Variants in HSD17B12 observed in about 807,000 individuals in gnomAD.
HSD17B12 encodes the protein very-long-chain 3-oxoacyl-CoA reductase.
In HSD17B12, 32 loss-of-function variants were observed where a neutral mutation model predicts 39.3. That is an observed-to-expected ratio of 0.81 (90% CI 0.61 to 1.09). The LOEUF (loss-of-function observed/expected upper bound fraction) is 1.09. HSD17B12 is among the 50% of genes least tolerant of loss of function. HSD17B12 has a pLI of 0.00. For synonymous variants in HSD17B12, 150 were observed against 146.7 expected (o/e 1.02, Z -0.16); for missense variants, 342 against 382.9 (o/e 0.89, Z 0.89).
At chr11:43,757,635 G>A (rs1372965569) in intron 3 of HSD17B12, among the ~76,000 whole-genome samples, 91 of 24,324 alleles carry the variant, frequency 3.7e-3, no homozygotes, top group African/African-American at 0.02. Flanking sequence ...GCGAGACTCC[G>A]TCTCAAAAAA....
the HSD17B12 span, among the ~76,000 whole-genome samples, chr11:43,567,052 T>C: frequency 6.6e-6 from 1 of 152,244 alleles, no homozygotes; most frequent in Non-Finnish European, 1.5e-5. Context: ...TAAAGGCTCC[T>C]GAGAGCAGGC....
intron 1 of HSD17B12, among the ~76,000 whole-genome samples, chr11:43,698,403 G>A (rs987596213): frequency 6.6e-6 from 1 of 152,200 alleles, no homozygotes; most frequent in Non-Finnish European, 1.5e-5. Context: ...CTACAGAAAA[G>A]TGTGGTGCCT....
At chr11:43,836,547 C>G (rs1951372480) in intron 7 of HSD17B12, among the ~76,000 whole-genome samples, 1 of 152,066 alleles carries the variant, frequency 6.6e-6, no homozygotes, top group African/African-American at 2.4e-5. Flanking sequence ...ACTGAACAAT[C>G]TACCCATTAA....
At chr11:43,640,475 A>G in the HSD17B12 span, among the ~76,000 whole-genome samples, 3 of 152,108 alleles carry the variant, frequency 2.0e-5, no homozygotes, top group Non-Finnish European at 4.4e-5. Context: ...ATCTTAGAGT[A>G]TGTAGGGTTT....
At chr11:43,630,275 C>T in the HSD17B12 span, among the ~76,000 whole-genome samples, 2 of 152,082 alleles carry the variant, frequency 1.3e-5, no homozygotes, top group Non-Finnish European at 1.5e-5. Context: ...TTCTCTGGAT[C>T]CCTGTCAATT....
chr11:43,809,331 T>C (rs972094693), intron 4 of HSD17B12, among the ~76,000 whole-genome samples: 1 of 152,200 alleles, frequency 6.6e-6, no homozygotes, highest in African/African-American at 2.4e-5. Flanking sequence ...CACTAGTTTC[T>C]TGTTAGGAGC....
chr11:43,777,573 G>C (rs542522963), intron 3 of HSD17B12, among the ~76,000 whole-genome samples: 3,727 of 152,134 alleles, frequency 0.024, 65 homozygotes, highest in Non-Finnish European at 0.039. Flanking sequence ...TTGACTTCCT[G>C]TTCTCCTAAT....
intron 7 of HSD17B12, among the ~76,000 whole-genome samples, chr11:43,836,974 A>T (rs1395419650): frequency 2.0e-5 from 3 of 152,178 alleles, no homozygotes; most frequent in Non-Finnish European, 4.4e-5. Context: ...TAAATTTGAA[A>T]TGTAATTTTT....
chr11:43,817,030 ATATCTATATC>A (rs1164886113), intron 6 of HSD17B12, among the ~76,000 whole-genome samples: 198 of 22,228 alleles, frequency 8.9e-3, no homozygotes, highest in Non-Finnish European at 0.011. Flanking sequence ...ATCTATATCT[ATATCTATATC>A]TATATATATA....
chr11:43,779,423 T>C (rs746769812), intron 3 of HSD17B12, among the ~76,000 whole-genome samples: 1 of 152,216 alleles, frequency 6.6e-6, no homozygotes, highest in Non-Finnish European at 1.5e-5. Flanking sequence ...CTTACAACAT[T>C]GGTTTTATGC....
intron 4 of HSD17B12, among the ~76,000 whole-genome samples, chr11:43,801,054 G>A (rs754836652): frequency 6.6e-6 from 1 of 151,876 alleles, no homozygotes; most frequent in African/African-American, 2.4e-5. Flanking sequence ...CAGGAGAATC[G>A]CTTGAACCTG....
chr11:43,578,228 T>A, the HSD17B12 span, among the ~76,000 whole-genome samples: 18 of 152,144 alleles, frequency 1.2e-4, no homozygotes, highest in Non-Finnish European at 2.1e-4. Context: ...CTCGGGACGG[T>A]GAGGTAAGTA....
chr11:43,742,112 AATAT>A (rs1168038073), intron 1 of HSD17B12, among the ~76,000 whole-genome samples: 35 of 93,140 alleles, frequency 3.8e-4, no homozygotes, highest in African/African-American at 1.3e-3. Flanking sequence ...AGGCAAAGGA[AATAT>A]ATATATATAT....
the HSD17B12 span, among the ~76,000 whole-genome samples, chr11:43,636,077 A>G: frequency 6.6e-6 from 1 of 152,350 alleles, no homozygotes; most frequent in East Asian, 1.9e-4. Context: ...TATAAGTATT[A>G]CCCATATAAC....
At chr11:43,814,106 A>G (rs1301070191) in intron 4 of HSD17B12, among the ~76,000 whole-genome samples, 2 of 152,058 alleles carry the variant, frequency 1.3e-5, no homozygotes, top group Admixed American at 6.6e-5. Context: ...TTTTTTAAAT[A>G]CTTCATAATT....
chr11:43,783,179 A>AAGG (rs1220439784), intron 3 of HSD17B12, among the ~76,000 whole-genome samples: 7 of 152,238 alleles, frequency 4.6e-5, no homozygotes, highest in Non-Finnish European at 1.0e-4. Flanking sequence ...TTTTGCAGTA[A>AAGG]AGGATATTGT....
chr11:43,615,508 C>T, the HSD17B12 span, among the ~76,000 whole-genome samples: 1 of 152,190 alleles, frequency 6.6e-6, no homozygotes, highest in Admixed American at 6.5e-5. Flanking sequence ...CCTCAGCAAC[C>T]TTAAACTCCA....
At chr11:43,680,310 G>A (rs986307754), upstream of HSD17B12, among the ~76,000 whole-genome samples, 1 of 152,146 alleles carries the variant, frequency 6.6e-6, no homozygotes, top group Non-Finnish European at 1.5e-5. Flanking sequence ...AAGCTCAAGC[G>A]ATTCGCCCGC....
chr11:43,780,202 G>T (rs539423752), intron 3 of HSD17B12, among the ~76,000 whole-genome samples: 84 of 152,136 alleles, frequency 5.5e-4, no homozygotes, highest in African/African-American at 2.0e-3. Flanking sequence ...TTTCACTCTT[G>T]TCGCCCAGGC....
Sources: allele counts gnomAD v4.1 joint callset (sites outside exome capture counted in the v4.1 genomes callset), GRCh38; gene constraint gnomAD v4.1.1; transcripts MANE v1.5; gene names NCBI Gene and HGNC (gene_info 2026-07-23, HGNC 2026-07-21).